The following RBFOX1 variants were observed in gnomAD, a reference collection of about 807,000 sequenced individuals.
RBFOX1 encodes RNA binding fox-1 homolog 1.
Under a neutral mutation model 57.7 loss-of-function variants are expected in RBFOX1, and 8 were observed. The observed-to-expected ratio is 0.14, with a 90% CI of 0.08 to 0.25. RBFOX1 has a LOEUF of 0.25. RBFOX1 is among the 10% of genes least tolerant of loss of function. The probability of loss-of-function intolerance (pLI) is 1.00; values close to 1 mark genes in which losing one functional copy is unlikely to be tolerated. For synonymous variants in RBFOX1, 326 were observed against 222.4 expected, an observed-to-expected ratio of 1.47 and a Z score of -4.15; for missense variants, 611 against 548.5, an observed-to-expected ratio of 1.11 and a Z score of -1.14.
chr16:7,602,338 A>G (rs988269341), intron 9 of RBFOX1, among the ~76,000 whole-genome samples: 1 of 152,126 alleles, frequency 6.6e-6, no homozygotes, highest in African/African-American at 2.4e-5. Context: ...ACAGAGCCAG[A>G]CCCCAAGACG....
intron 2 of RBFOX1, among the ~76,000 whole-genome samples, chr16:6,416,700 CT>C (rs1384360793): frequency 6.6e-6 from 1 of 152,140 alleles, no homozygotes; most frequent in Non-Finnish European, 1.5e-5. Flanking sequence ...CATGTTACTG[CT>C]GCATTCGCAC....
chr16:6,892,602 G>T (rs1165248491), intron 3 of RBFOX1, among the ~76,000 whole-genome samples: 1 of 152,152 alleles, frequency 6.6e-6, no homozygotes, highest in East Asian at 1.9e-4. Flanking sequence ...CCTGGGAAAT[G>T]GAAGTTGCAG....
intron 2 of RBFOX1, among the ~76,000 whole-genome samples, chr16:5,570,566 G>T (rs1340895376): frequency 6.6e-6 from 1 of 152,176 alleles, no homozygotes; most frequent in Non-Finnish European, 1.5e-5. Flanking sequence ...CGGGTTGGAT[G>T]TGGTGGTTCA....
chr16:7,221,205 A>G (rs1426927765), intron 4 of RBFOX1, among the ~76,000 whole-genome samples: 1 of 152,220 alleles, frequency 6.6e-6, no homozygotes, highest in East Asian at 1.9e-4. Flanking sequence ...TGCCTTGTAC[A>G]TTGTAAGTGT....
At chr16:7,088,121 C>CA (rs555511451) in intron 4 of RBFOX1, among the ~76,000 whole-genome samples, 3 of 151,940 alleles carry the variant, frequency 2.0e-5, no homozygotes, top group Non-Finnish European at 4.4e-5. Context: ...AAAGGAATGA[C>CA]AAAAAAATGT....
At chr16:6,408,207 C>T (rs2093350448) in intron 2 of RBFOX1, among the ~76,000 whole-genome samples, 1 of 152,132 alleles carries the variant, frequency 6.6e-6, no homozygotes, top group African/African-American at 2.4e-5. Flanking sequence ...TTTGTTATCA[C>T]AGCTCAGGCA....
At chr16:6,490,103 C>G (rs1009664694) in intron 2 of RBFOX1, among the ~76,000 whole-genome samples, 3 of 152,140 alleles carry the variant, frequency 2.0e-5, no homozygotes, top group Non-Finnish European at 4.4e-5. Context: ...GTTTGTTGTT[C>G]CACATTTAGG....
rs576992433 is a variant in RBFOX1, at chr16:7,216,439, G to C, written c.27+164341G>C. On this transcript the variant is annotated intron_variant, in intron 4 of 15. Coordinates refer to ENST00000550418, the MANE Select transcript of RBFOX1 (RefSeq NM_018723.4). Reference sequence around the variant, plus strand: ...GGAGGCTGAGGGAGGAGGATTGCTTGAGACCGAAAGTTCTAGACCAGTCTG... The same window carrying C: ...GGAGGCTGAGGGAGGAGGATTGCTTCAGACCGAAAGTTCTAGACCAGTCTG... 2.0e-5 allele frequency among the ~76,000 whole-genome samples: 3 copies of C among 152,302 alleles called. No homozygotes were observed. In the South Asian group the frequency reaches 6.2e-4, roughly 32 times the overall value.
At chr16:6,777,342 G>A (rs2079547410) in intron 3 of RBFOX1, among the ~76,000 whole-genome samples, 1 of 152,124 alleles carries the variant, frequency 6.6e-6, no homozygotes, top group African/African-American at 2.4e-5. Flanking sequence ...CCTAGTGGAT[G>A]ATGTTTAAGT....
At chr16:7,556,359 G>A (rs2088480318) in intron 5 of RBFOX1, among the ~76,000 whole-genome samples, 1 of 152,114 alleles carries the variant, frequency 6.6e-6, no homozygotes, top group Non-Finnish European at 1.5e-5. Flanking sequence ...GGCACATGAA[G>A]AAATAGCATT....
At chr16:6,728,603 G>C (rs2067795106) in intron 3 of RBFOX1, among the ~76,000 whole-genome samples, 1 of 152,206 alleles carries the variant, frequency 6.6e-6, no homozygotes, top group African/African-American at 2.4e-5. Context: ...AGTGCTTTCA[G>C]AAGCTGCCTC....
intron 4 of RBFOX1, among the ~76,000 whole-genome samples, chr16:7,087,896 TTCTCTC>T (rs145360066): frequency 5.3e-5 from 8 of 151,542 alleles, no homozygotes; most frequent in African/African-American, 1.9e-4. Flanking sequence ...CTCTTTCTCT[TTCTCTC>T]TCTCTCTCGC....
At chr16:5,544,143 C>G (rs757747320) in intron 2 of RBFOX1, among the ~76,000 whole-genome samples, 3 of 152,146 alleles carry the variant, frequency 2.0e-5, no homozygotes, top group Non-Finnish European at 4.4e-5. Flanking sequence ...AGCATTTACC[C>G]AAATTTTATT....
intron 4 of RBFOX1, among the ~76,000 whole-genome samples, chr16:5,995,303 C>G (rs955914590): frequency 1.3e-4 from 20 of 152,076 alleles, no homozygotes; most frequent in African/African-American, 4.8e-4. Flanking sequence ...TATCTTAGAG[C>G]CCAAATCCAC....
chr16:6,212,688 CAG>C (rs1410591302), intron 1 of RBFOX1, among the ~76,000 whole-genome samples: 1 of 150,984 alleles, frequency 6.6e-6, no homozygotes, highest in African/African-American at 2.4e-5. Flanking sequence ...GCCTGGGTGA[CAG>C]AGTGAGAGTC....
chr16:6,181,510 G>C (rs1363907752), intron 1 of RBFOX1, among the ~76,000 whole-genome samples: 5 of 152,198 alleles, frequency 3.3e-5, no homozygotes, highest in African/African-American at 1.2e-4. Context: ...TCCTCACTCA[G>C]CCATAGCTGG....
At chr16:7,079,257 C>G (rs1292821109) in intron 4 of RBFOX1, among the ~76,000 whole-genome samples, 5 of 152,164 alleles carry the variant, frequency 3.3e-5, no homozygotes, top group Non-Finnish European at 7.3e-5. Flanking sequence ...CATCATACAT[C>G]TGGCTCTGCC....
intron 3 of RBFOX1, among the ~76,000 whole-genome samples, chr16:5,856,604 T>TATATATATATATATATATATATATATA (rs776623035): frequency 2.9e-5 from 2 of 68,110 alleles, no homozygotes; most frequent in Non-Finnish European, 6.0e-5. Context: ...TATATATATA[T>TATATATATATATATATATATATATATA]AATCTTAGCC....
At chr16:6,089,266 C>A (rs1170836146) in intron 1 of RBFOX1, among the ~76,000 whole-genome samples, 2 of 152,012 alleles carry the variant, frequency 1.3e-5, no homozygotes, top group African/African-American at 2.4e-5. Context: ...AGGGAAGCTT[C>A]TTGTAATGAT....
Sources: allele counts gnomAD v4.1 joint callset (sites outside exome capture counted in the v4.1 genomes callset), GRCh38; gene constraint gnomAD v4.1.1; transcripts MANE v1.5; gene names NCBI Gene and HGNC (gene_info 2026-07-23, HGNC 2026-07-21).